Variants in PIGK observed in about 807,000 individuals in gnomAD.
PIGK encodes the protein GPI-anchor transamidase.
Under a neutral mutation model 50.6 loss-of-function variants are expected in PIGK, and 42 were observed. That is an observed-to-expected ratio of 0.83 (90% CI 0.65 to 1.07). The LOEUF is 1.07. Ranked by LOEUF, PIGK falls within the 50% of genes least tolerant of loss-of-function variation. PIGK has a pLI of 0.00. For missense variants in PIGK, 448 were observed against 488.7 expected (o/e 0.92, Z 0.78); for synonymous variants, 151 against 156.0 (o/e 0.97, Z 0.24).
chr1:77,167,426 T>G (rs965202560), intron 4 of PIGK, among the ~76,000 whole-genome samples: 3 of 152,146 alleles, frequency 2.0e-5, no homozygotes, highest in Non-Finnish European at 4.4e-5. Context: ...AGTGCTGCCT[T>G]TAAAAACTAC....
At chr1:77,157,499 C>T (rs12086383) in intron 8 of PIGK, among the ~76,000 whole-genome samples, 26,643 of 152,016 alleles carry the variant, frequency 0.18, 2,528 homozygotes, top group East Asian at 0.36. Flanking sequence ...TTTAAACTTT[C>T]GAGATAGCAT....
intron 3 of PIGK, among the ~76,000 whole-genome samples, chr1:77,182,524 C>CTATT (rs1553184599): frequency 1.3e-5 from 1 of 74,588 alleles, no homozygotes; most frequent in African/African-American, 4.2e-5. Flanking sequence ...ATCTATCTAT[C>CTATT]TGTACACACA....
intron 9 of PIGK, among the ~76,000 whole-genome samples, chr1:77,148,235 CTACA>C (rs1170253014): frequency 6.6e-6 from 1 of 152,056 alleles, no homozygotes; most frequent in Non-Finnish European, 1.5e-5. Context: ...CAAACAGCAC[CTACA>C]TACAATGAGA....
At chr1:77,144,427 C>T (rs941258114) in intron 9 of PIGK, among the ~76,000 whole-genome samples, 2 of 151,794 alleles carry the variant, frequency 1.3e-5, no homozygotes, top group Non-Finnish European at 3.0e-5. Flanking sequence ...AGATTTTATA[C>T]AATCAAAAAG....
At chr1:77,109,618 A>C (rs990493165) in intron 10 of PIGK, among the ~76,000 whole-genome samples, 6 of 152,220 alleles carry the variant, frequency 3.9e-5, no homozygotes, top group Admixed American at 2.0e-4. Context: ...TCTCAAAATA[A>C]TAAGAGCTAT....
At chr1:77,183,553 TGCTTGAGTTTTCTAATTTTTATAAACA>T (rs1024607363) in intron 3 of PIGK, among the ~76,000 whole-genome samples, 1 of 152,128 alleles carries the variant, frequency 6.6e-6, no homozygotes, top group African/African-American at 2.4e-5. Context: ...ACACTTGAAG[TGCTTGAGTTTTCTAATTTTTATAAACA>T]GAAATCTGGA....
intron 10 of PIGK, among the ~76,000 whole-genome samples, chr1:77,113,079 TA>T (rs1653889827): frequency 1.3e-5 from 2 of 152,116 alleles, no homozygotes; most frequent in African/African-American, 4.8e-5. Context: ...AAACTCAGTT[TA>T]GAACAGTCAT....
intron 10 of PIGK, among the ~76,000 whole-genome samples, chr1:77,093,580 G>A (rs1050225448): frequency 3.9e-5 from 6 of 152,066 alleles, no homozygotes; most frequent in African/African-American, 1.4e-4. Flanking sequence ...ATTTTAACTT[G>A]AATCATAATT....
intron 3 of PIGK, among the ~76,000 whole-genome samples, chr1:77,184,716 G>A (rs763124676): frequency 1.3e-5 from 2 of 152,162 alleles, no homozygotes; most frequent in Non-Finnish European, 2.9e-5. Context: ...CATTTCCCCA[G>A]TGCCAGAATG....
At chr1:77,201,575 C>T (rs758507027) in intron 3 of PIGK, among the ~76,000 whole-genome samples, 14 of 151,918 alleles carry the variant, frequency 9.2e-5, no homozygotes, top group Non-Finnish European at 1.8e-4. Flanking sequence ...GCCTGGCCAA[C>T]GTGGCAAAAC....
intron 9 of PIGK, among the ~76,000 whole-genome samples, chr1:77,142,759 A>G (rs568062194): frequency 2.6e-5 from 4 of 152,266 alleles, no homozygotes; most frequent in Non-Finnish European, 4.4e-5. Context: ...CATGGGGGAA[A>G]TCACACCATG....
intron 7 of PIGK, 27 bp downstream of exon 7, chr1:77,161,567 G>A: frequency 9.2e-7 from 1 of 1,082,288 alleles, no homozygotes; most frequent in African/African-American, 1.5e-5. Context: ...CAAAGACACA[G>A]TTTACAAATG....
intron 5 of PIGK, among the ~76,000 whole-genome samples, chr1:77,166,516 A>G (rs1655238404): frequency 6.6e-6 from 1 of 152,164 alleles, no homozygotes; most frequent in African/African-American, 2.4e-5. Context: ...AAAAATATAG[A>G]GATAAGAAAA....
intron 9 of PIGK, among the ~76,000 whole-genome samples, chr1:77,151,520 T>C (rs1470924395): frequency 1.3e-5 from 2 of 151,954 alleles, no homozygotes; most frequent in Non-Finnish European, 1.5e-5. Context: ...GAGAAAGAAA[T>C]AAGGCGTGTC....
intron 9 of PIGK, among the ~76,000 whole-genome samples, chr1:77,146,740 T>C (rs1654777499): frequency 6.6e-6 from 1 of 151,242 alleles, no homozygotes; most frequent in African/African-American, 2.4e-5. Flanking sequence ...GAGGTTGCGG[T>C]GAGCCAAGAT....
chr1:77,113,683 C>T (rs750072412), intron 10 of PIGK, among the ~76,000 whole-genome samples: 21 of 152,046 alleles, frequency 1.4e-4, no homozygotes, highest in Admixed American at 2.6e-4. Context: ...TTGAAAATTG[C>T]GTTATGAATG....
intron 1 of PIGK, among the ~76,000 whole-genome samples, chr1:77,211,210 T>G (rs551467707): frequency 6.6e-6 from 1 of 152,044 alleles, no homozygotes; most frequent in South Asian, 2.1e-4. Flanking sequence ...TCAGTTATAT[T>G]CAATGATGTA....
rs1488583996 is a variant in PIGK at position 77,090,044 on chromosome 1, G to A, written c.*2330C>T. 6.6e-6 allele frequency: 1 copy of A among 152,098 alleles called. No homozygotes were observed. Among genetic ancestry groups the A allele is most frequent in the Non-Finnish European group, 1.5e-5 (1 of 68,020 alleles). 9.4% of individuals were successfully genotyped at this position (152,098 alleles called of 1,614,324 possible). On this transcript the variant is annotated 3_prime_UTR_variant, in exon 11 of 11. Coordinates refer to ENST00000370812, the MANE Select transcript of PIGK (RefSeq NM_005482.3). ...ACTGTGACCATTAACTTCCCCTTTGGTATCCTCCTAAGCCGACATAAGAAC... is the reference window on the plus strand; with the variant it reads ...ACTGTGACCATTAACTTCCCCTTTGATATCCTCCTAAGCCGACATAAGAAC...
At chr1:77,207,739 T>C (rs1351262539) in intron 2 of PIGK, among the ~76,000 whole-genome samples, 9 of 152,178 alleles carry the variant, frequency 5.9e-5, no homozygotes, top group Non-Finnish European at 1.0e-4. Context: ...AATCCCGGCT[T>C]CTATCACATG....
Sources: allele counts gnomAD v4.1 joint callset (sites outside exome capture counted in the v4.1 genomes callset), GRCh38; gene constraint gnomAD v4.1.1; transcripts MANE v1.5; gene names NCBI Gene and HGNC (gene_info 2026-07-23, HGNC 2026-07-21).